LRP12: variants seen among roughly 807,000 people sequenced by gnomAD.
LRP12 encodes the protein LDL receptor related protein 12.
A neutral mutation model predicts 66.0 loss-of-function variants in LRP12; 14 were observed. The ratio of observed to expected loss-of-function variants is 0.21; its 90% CI spans 0.14 to 0.33. The LOEUF (loss-of-function observed/expected upper bound fraction) is 0.33, where lower values mean the gene tolerates loss of function less well. Ranked by LOEUF, LRP12 falls within the 10% of genes least tolerant of loss-of-function variation. The probability of loss-of-function intolerance (pLI) is 1.00; values close to 1 mark genes in which losing one functional copy is unlikely to be tolerated. For missense variants in LRP12, 889 were observed against 1,053.4 expected, an observed-to-expected ratio of 0.84 and a Z score of 2.16; for synonymous variants, 357 against 359.1, an observed-to-expected ratio of 0.99 and a Z score of 0.07.
At position 104,497,027 on chromosome 8, in the gene LRP12, C is replaced by A. The variant is rs760447894; in HGVS notation, c.1525G>T (p.Val509Phe). ...TTACAAGTACATCCCAATGCTATGA[C>A]GAGTAACAGGCCACAGATGAGGCTC... ...IGSLICGLLLVIALGCTCKLY... is the reference protein window; with the variant it reads ...IGSLICGLLLFIALGCTCKLY... The change falls in exon 5 of 7, where the codon GTC (valine) becomes TTC (phenylalanine). Residue 509 changes from valine (V) to phenylalanine (F), a missense_variant. Coordinates refer to ENST00000276654, the MANE Select transcript of LRP12 (RefSeq NM_013437.5). This position sits in a 1 kb window ranked among gnomAD's most constrained non-coding sequence, Gnocchi z 4.3. 1 of 1,581,652 alleles carries A rather than the reference C, an allele frequency of 6.3e-7. No homozygotes were observed. Among genetic ancestry groups the A allele is most frequent in the Admixed American group, 1.8e-5 (1 of 54,614 alleles).
At chr8:104,545,682 G>A (rs960412551) in intron 1 of LRP12, among the ~76,000 whole-genome samples, 4 of 152,210 alleles carry the variant, frequency 2.6e-5, no homozygotes, top group African/African-American at 9.6e-5. Context: ...ATATTTTTTA[G>A]ATATGTCATT....
chr8:104,563,334 T>C (rs1279651173), intron 1 of LRP12, among the ~76,000 whole-genome samples: 2 of 152,252 alleles, frequency 1.3e-5, no homozygotes, highest in East Asian at 3.9e-4. Flanking sequence ...TTGTCTCCAG[T>C]TTACAAATGA....
intron 1 of LRP12, among the ~76,000 whole-genome samples, chr8:104,559,135 T>G (rs551107255): frequency 3.3e-4 from 50 of 152,202 alleles, no homozygotes; most frequent in Admixed American, 2.8e-3. Context: ...AGAAGTCATA[T>G]GAAAAAGATA....
intron 1 of LRP12, among the ~76,000 whole-genome samples, chr8:104,539,025 A>G (rs1321445367): frequency 2.6e-5 from 4 of 152,254 alleles, no homozygotes; most frequent in African/African-American, 9.6e-5. Flanking sequence ...GAAAAACTCT[A>G]AATTGTTTCA....
chr8:104,555,761 G>GA (rs1811797672), intron 1 of LRP12, among the ~76,000 whole-genome samples: 1 of 152,074 alleles, frequency 6.6e-6, no homozygotes, highest in Non-Finnish European at 1.5e-5. Flanking sequence ...CATCAAGACA[G>GA]AAAGTCAACA....
At chr8:104,532,682 G>A (rs755786271) in intron 1 of LRP12, among the ~76,000 whole-genome samples, 5 of 152,140 alleles carry the variant, frequency 3.3e-5, no homozygotes, top group Non-Finnish European at 7.4e-5. Flanking sequence ...GAAGGCAAAA[G>A]CAGAATTTTC....
In LRP12 at chr8:104,491,020, C is replaced by T. The variant is rs757297033; in HGVS notation, c.2233G>A (p.Gly745Arg). The T allele has an allele frequency of 1.1e-5, 18 of 1,614,090 alleles. No homozygotes were observed. In the South Asian group the frequency reaches 2.0e-4, roughly 18 times the overall value. Residue 745 changes from glycine (G) to arginine (R), a missense_variant, in exon 7 of 7, where the codon GGA (glycine) becomes AGA (arginine). Transcript: ENST00000276654. ...QGLRWVRFTL[G>R]RSSSLSQNQS... ...TTCTGACTTAGGGAACTTGATCGTC[C>T]TAATGTAAAACGTACCCAGCGTAGC...
At chr8:104,584,209 A>G (rs550300935) in intron 1 of LRP12, among the ~76,000 whole-genome samples, 1 of 152,132 alleles carries the variant, frequency 6.6e-6, no homozygotes, top group East Asian at 1.9e-4. Flanking sequence ...TCAACTTCCA[A>G]TTCCTAAATT....
chr8:104,559,679 C>T, intron 1 of LRP12, among the ~76,000 whole-genome samples: 1 of 151,774 alleles, frequency 6.6e-6, no homozygotes, highest in Non-Finnish European at 1.5e-5. Flanking sequence ...ATTGTACATG[C>T]CTATCCAAAA....
At chr8:104,515,414 A>G (rs1431838575) in intron 2 of LRP12, among the ~76,000 whole-genome samples, 1 of 152,232 alleles carries the variant, frequency 6.6e-6, no homozygotes, top group Non-Finnish European at 1.5e-5. Flanking sequence ...CAGAGGTAGA[A>G]GTTTTCAGAG....
chr8:104,580,607 C>A (rs1588512359), intron 1 of LRP12, among the ~76,000 whole-genome samples: 1 of 151,486 alleles, frequency 6.6e-6, no homozygotes, highest in African/African-American at 2.4e-5. Flanking sequence ...AAGAAAAAAA[C>A]CCATTGAAAA....
At chr8:104,566,883 G>C (rs866119995) in intron 1 of LRP12, among the ~76,000 whole-genome samples, 12 of 152,006 alleles carry the variant, frequency 7.9e-5, no homozygotes, top group Non-Finnish European at 1.8e-4. Context: ...TAGCACAAGC[G>C]GCTGGTGATA....
At chr8:104,556,314 T>C (rs949863594) in intron 1 of LRP12, among the ~76,000 whole-genome samples, 7 of 151,800 alleles carry the variant, frequency 4.6e-5, no homozygotes, top group African/African-American at 1.7e-4. Context: ...CTAAATGAAT[T>C]TGAAACAAAT....
intron 1 of LRP12, among the ~76,000 whole-genome samples, chr8:104,566,637 T>C (rs1021676729): frequency 2.0e-5 from 3 of 152,250 alleles, no homozygotes; most frequent in African/African-American, 7.2e-5. Context: ...ATTTCAAAGA[T>C]GTTATTTCTT....
intron 1 of LRP12, among the ~76,000 whole-genome samples, chr8:104,532,253 G>C (rs1053235657): frequency 1.3e-5 from 2 of 151,554 alleles, no homozygotes; most frequent in Non-Finnish European, 2.9e-5. Flanking sequence ...CAAAAGGGAA[G>C]TCAGTACTGC....
intron 2 of LRP12, among the ~76,000 whole-genome samples, chr8:104,510,363 A>G (rs184344864): frequency 6.6e-6 from 1 of 152,338 alleles, no homozygotes; most frequent in East Asian, 1.9e-4. Context: ...TAAAAGTAAA[A>G]TTTTGAAATA....
At chr8:104,512,709 A>G (rs1811016319) in intron 2 of LRP12, among the ~76,000 whole-genome samples, 1 of 152,152 alleles carries the variant, frequency 6.6e-6, no homozygotes, top group Non-Finnish European at 1.5e-5. Context: ...AAAAAATTTC[A>G]AGTACATGAG....
chr8:104,588,732 C>G (rs1262292763), intron 1 of LRP12, 87 bp downstream of exon 1: 1 of 1,206,796 alleles, frequency 8.3e-7, no homozygotes, highest in African/African-American at 1.5e-5. Flanking sequence ...GCGGGAGTCT[C>G]CAGGGGAACC....
intron 1 of LRP12, among the ~76,000 whole-genome samples, chr8:104,533,356 A>C (rs891730000): frequency 3.3e-5 from 5 of 152,136 alleles, no homozygotes; most frequent in Admixed American, 6.6e-5. Flanking sequence ...CTGATTCAAT[A>C]AAACACCTAA....
Sources: allele counts gnomAD v4.1 joint callset (sites outside exome capture counted in the v4.1 genomes callset), GRCh38; gene constraint gnomAD v4.1.1; non-coding constraint Gnocchi (gnomAD v3.1); transcripts MANE v1.5; gene names NCBI Gene and HGNC (gene_info 2026-07-23, HGNC 2026-07-21).